MRPS6: variants seen among roughly 807,000 people sequenced by gnomAD.
MRPS6 encodes the protein mitochondrial ribosomal protein S6.
Under a neutral mutation model 13.1 loss-of-function variants are expected in MRPS6, and 6 were observed. The ratio of observed to expected loss-of-function variants is 0.46; its 90% CI spans 0.25 to 0.91. The LOEUF is 0.91. Among genes scored for constraint, MRPS6 ranks in the 40% least tolerant of loss-of-function variants. The pLI, the probability that MRPS6 is intolerant of heterozygous loss-of-function variation, is 0.18. For missense variants in MRPS6, 164 were observed against 155.6 expected, an observed-to-expected ratio of 1.05 and a Z score of -0.29; for synonymous variants, 61 against 56.5, an observed-to-expected ratio of 1.08 and a Z score of -0.36.
At chr21:34,108,154 A>G (rs767577689) in intron 1 of MRPS6, among the ~76,000 whole-genome samples, 1 of 152,200 alleles carries the variant, frequency 6.6e-6, no homozygotes, top group South Asian at 2.1e-4. Context: ...CTCTGCTGCC[A>G]GGGATATAAA....
chr21:34,104,254 A>G, intron 1 of MRPS6: 1 of 1,000,074 alleles, frequency 1.0e-6, no homozygotes, highest in Non-Finnish European at 1.2e-6. Context: ...TGGGGTGGAG[A>G]GGATTCTTTC....
intron 1 of MRPS6, among the ~76,000 whole-genome samples, chr21:34,092,899 A>G (rs1443958412): frequency 6.6e-6 from 1 of 152,182 alleles, no homozygotes; most frequent in Non-Finnish European, 1.5e-5. Context: ...AATTGAAACA[A>G]GTGGCCTGAG....
rs879395530 is a variant in MRPS6 at position 34,106,927 on chromosome 21, C to CT, written c.46-18403dup. Among the ~76,000 whole-genome samples, 985 of 146,326 alleles carry CT rather than the reference C, an allele frequency of 6.7e-3. 14 individuals are homozygous for CT. Among genetic ancestry groups the CT allele is most frequent in the African/African-American group, 0.021 (832 of 40,176 alleles). On this transcript the variant is annotated intron_variant, in intron 1 of 2. Coordinates refer to ENST00000399312, the MANE Select transcript of MRPS6 (RefSeq NM_032476.4). ...TGGATTTTGTCTTTCACGGTATTGA[C>CT]TTTTTTTTTTTGGCGGTGGAGGGGA...
chr21:34,108,490 G>C (rs1021654981), intron 1 of MRPS6, among the ~76,000 whole-genome samples: 3 of 152,126 alleles, frequency 2.0e-5, no homozygotes, highest in African/African-American at 4.8e-5. Context: ...ACTGCCTAAC[G>C]ACGCATTTCT....
intron 1 of MRPS6, chr21:34,104,368 T>C (rs1979383178): frequency 1.0e-6 from 1 of 1,000,062 alleles, no homozygotes; most frequent in South Asian, 4.7e-5. Flanking sequence ...CTTTTCCACC[T>C]CCTCACTTCA....
At chr21:34,137,414 A>G (rs1468593214) in intron 2 of MRPS6, among the ~76,000 whole-genome samples, 3 of 152,138 alleles carry the variant, frequency 2.0e-5, no homozygotes, top group Non-Finnish European at 4.4e-5. Flanking sequence ...TCAAGGTCTG[A>G]TTATTTGTTA....
intron 1 of MRPS6, among the ~76,000 whole-genome samples, chr21:34,115,297 C>T (rs1979858741): frequency 6.6e-6 from 1 of 152,086 alleles, no homozygotes; most frequent in South Asian, 2.1e-4. Context: ...GTTGGATTTC[C>T]CAGGTCTCAA....
intron 1 of MRPS6, among the ~76,000 whole-genome samples, chr21:34,114,309 A>G (rs1979818259): frequency 6.6e-6 from 1 of 152,156 alleles, no homozygotes; most frequent in Non-Finnish European, 1.5e-5. Flanking sequence ...ACAAGACTCC[A>G]ATATTATTGG....
At chr21:34,089,172 C>G (rs983319608) in intron 1 of MRPS6, among the ~76,000 whole-genome samples, 1 of 147,436 alleles carries the variant, frequency 6.8e-6, no homozygotes, top group African/African-American at 2.5e-5. Flanking sequence ...GGATTACAGG[C>G]GTGTGCTACC....
At chr21:34,139,137 G>C (rs1230621785) in intron 2 of MRPS6, among the ~76,000 whole-genome samples, 6 of 138,788 alleles carry the variant, frequency 4.3e-5, no homozygotes, top group Non-Finnish European at 7.6e-5. Context: ...ATTGAACATT[G>C]AGAACACATG....
intron 1 of MRPS6, among the ~76,000 whole-genome samples, chr21:34,086,991 A>G (rs1476288809): frequency 6.6e-6 from 1 of 152,162 alleles, no homozygotes; most frequent in Non-Finnish European, 1.5e-5. Flanking sequence ...ACTGCACACT[A>G]AGAGGTGGAT....
At chr21:34,122,567 C>T (rs1359784605) in intron 1 of MRPS6, 1 of 152,110 alleles carries the variant, frequency 6.6e-6, no homozygotes, top group Non-Finnish European at 1.5e-5. Flanking sequence ...TAAGCTCTTA[C>T]TTCAGAAGAG....
intron 1 of MRPS6, among the ~76,000 whole-genome samples, chr21:34,079,446 G>T (rs1989409077): frequency 6.6e-6 from 1 of 151,208 alleles, no homozygotes; most frequent in Non-Finnish European, 1.5e-5. Context: ...TCTTCTTTCT[G>T]TTTTTTTGAG....
chr21:34,104,266 C>T, intron 1 of MRPS6: 2 of 1,000,128 alleles, frequency 2.0e-6, no homozygotes, highest in Non-Finnish European at 2.4e-6. Context: ...GATTCTTTCA[C>T]TTGTCCCATT....
chr21:34,077,367 A>G (rs1285794092), intron 1 of MRPS6, among the ~76,000 whole-genome samples: 1 of 152,222 alleles, frequency 6.6e-6, no homozygotes, highest in African/African-American at 2.4e-5. Flanking sequence ...TTTTGTGGTT[A>G]CTTTAGGAAC....
chr21:34,097,055 A>T (rs142666188), intron 1 of MRPS6: 1 of 1,614,146 alleles, frequency 6.2e-7, no homozygotes, highest in Non-Finnish European at 8.5e-7. Context: ...TGGCATCCTT[A>T]GGTCATTCAG....
intron 2 of MRPS6, chr21:34,135,495 G>A (rs1428042655): frequency 1.2e-5 from 6 of 505,150 alleles, no homozygotes; most frequent in Non-Finnish European, 2.0e-5. Context: ...AGGAGTTGGA[G>A]GAGCCCTTGG....
intron 2 of MRPS6, among the ~76,000 whole-genome samples, chr21:34,134,044 C>T (rs1470794206): frequency 6.6e-6 from 1 of 152,162 alleles, no homozygotes; most frequent in Non-Finnish European, 1.5e-5. Context: ...AGGGGAGTGA[C>T]TGGGTAAAAG....
chr21:34,089,123 G>A (rs1360821387), intron 1 of MRPS6, among the ~76,000 whole-genome samples: 1 of 152,022 alleles, frequency 6.6e-6, no homozygotes, highest in African/African-American at 2.4e-5. Flanking sequence ...ACCTCTCTGG[G>A]TTCAAGCGAT....
Sources: gnomAD v4.1 joint callset for allele counts (sites outside exome capture counted in the v4.1 genomes callset) on GRCh38, gnomAD v4.1.1 for gene constraint, MANE v1.5 for transcripts, NCBI Gene and HGNC (gene_info 2026-07-23, HGNC 2026-07-21) for gene names.